WDSUB1: variants seen among roughly 807,000 people sequenced by gnomAD.
WDSUB1 encodes the protein WD repeat, SAM and U-box domain-containing protein 1.
A neutral mutation model predicts 53.9 loss-of-function variants in WDSUB1; 49 were observed. The ratio of observed to expected loss-of-function variants is 0.91; its 90% CI spans 0.72 to 1.15. The LOEUF is 1.15. WDSUB1 is among the 50% of genes most tolerant of loss of function. WDSUB1 has a pLI of 0.00. For missense variants in WDSUB1, 514 were observed against 562.0 expected (o/e 0.91, Z 0.86); for synonymous variants, 194 against 200.6 (o/e 0.97, Z 0.28).
intron 3 of WDSUB1, among the ~76,000 whole-genome samples, chr2:159,277,078 A>G (rs755927785): frequency 9.9e-5 from 15 of 152,202 alleles, no homozygotes; most frequent in Non-Finnish European, 2.1e-4. Context: ...AAATTTAACA[A>G]ACGTGTACAC....
intron 10 of WDSUB1, among the ~76,000 whole-genome samples, chr2:159,242,993 G>GTAGAAGAGAAATTAGAATTATAT (rs2060700723): frequency 6.8e-6 from 1 of 147,980 alleles, no homozygotes; most frequent in South Asian, 2.1e-4. Context: ...GAAAAGGAAA[G>GTAGAAGAGAAATTAGAATTATAT]TAGAAGAGAA....
intron 9 of WDSUB1, among the ~76,000 whole-genome samples, chr2:159,250,303 T>C (rs984175493): frequency 3.3e-5 from 5 of 152,096 alleles, no homozygotes; most frequent in African/African-American, 1.2e-4. Context: ...AAACTGAGGA[T>C]TTTTAAAACA....
Position 159,283,034 on chromosome 2 carries a change from A to T in WDSUB1, c.36T>A (p.Gly12=), listed in dbSNP as rs2061706638. Residue 12 remains glycine, a synonymous_variant, in exon 2 of 11, where the codon GGT becomes GGA. Coordinates refer to ENST00000359774, the MANE Select transcript of WDSUB1 (RefSeq NM_001128212.3). ...AGAAGGCACAGCAGTTGACATCGTCACCATGATCAGCTAATGTGTGAATCA... is the reference window on the plus strand; with the variant it reads ...AGAAGGCACAGCAGTTGACATCGTCTCCATGATCAGCTAATGTGTGAATCA... ...VKLIHTLADH[G]DDVNCCAFSF... The T allele has an allele frequency of 1.2e-6, 2 of 1,613,878 alleles. No individual in the cohort carries two copies. The highest frequency in any genetic ancestry group is 1.7e-6 in the Non-Finnish European group (2 of 1,179,770).
rs971950490 is a variant in WDSUB1 at position 159,276,948 on chromosome 2, T to C, written c.584-1310A>G. 2.6e-5 allele frequency among the ~76,000 whole-genome samples: 4 copies of C among 152,170 alleles called. 1 individual carries two copies. In the South Asian group the frequency reaches 8.3e-4, roughly 32 times the overall value. ...TGAGCCCAGGAGTTTGAGGCTGCAG[T>C]GAGCTATGATCACACCACTGCACTC... On this transcript the variant is annotated intron_variant, in intron 3 of 10. Transcript: ENST00000359774.
chr2:159,276,572 A>G (rs2061545905), intron 3 of WDSUB1, among the ~76,000 whole-genome samples: 1 of 152,236 alleles, frequency 6.6e-6, no homozygotes, highest in South Asian at 2.1e-4. Context: ...ACACTTACTT[A>G]ATTTTAGTGT....
chr2:159,276,068 T>C (rs961761149), intron 3 of WDSUB1, among the ~76,000 whole-genome samples: 1 of 152,036 alleles, frequency 6.6e-6, no homozygotes, highest in African/African-American at 2.4e-5. Flanking sequence ...TCTTCCTTTT[T>C]TTTTTTTTGA....
chr2:159,284,055 G>A (rs985579901), intron 1 of WDSUB1, among the ~76,000 whole-genome samples: 1 of 151,828 alleles, frequency 6.6e-6, no homozygotes, highest in Non-Finnish European at 1.5e-5. Context: ...CAAGTGATCC[G>A]CCCACCTCAG....
At chr2:159,267,427 A>G (rs2061367128) in intron 5 of WDSUB1, among the ~76,000 whole-genome samples, 1 of 151,944 alleles carries the variant, frequency 6.6e-6, no homozygotes, top group African/African-American at 2.4e-5. Context: ...CAGCCTCCCA[A>G]GTAGCTGAGA....
Position 159,257,942 on chromosome 2 carries a change from G to A in WDSUB1, c.845+3C>T. 7.4e-6 allele frequency: 12 copies of A among 1,613,438 alleles called. No homozygotes were observed. Among genetic ancestry groups the A allele is most frequent in the Non-Finnish European group, 1.0e-5 (12 of 1,179,598 alleles). ...TTAATACAAGGTGAGGTTAAGTTCA[G>A]ACCTGGTGTGCTGAGTCAATGTGTG... On this transcript the variant is annotated splice_donor_region_variant and intron_variant, in intron 7 of 10. Coordinates refer to ENST00000359774, the MANE Select transcript of WDSUB1 (RefSeq NM_001128212.3).
intron 5 of WDSUB1, among the ~76,000 whole-genome samples, chr2:159,268,910 A>G (rs2061395214): frequency 6.6e-6 from 1 of 152,050 alleles, no homozygotes; most frequent in African/African-American, 2.4e-5. Context: ...TAAGAATTCA[A>G]TGGACCAGTT....
Position 159,268,729 on chromosome 2 carries a change from T to C in WDSUB1, c.770+2973A>G, listed in dbSNP as rs2061391961. ...TATTCAAAAGGAAAAGAGTATAAAG[T>C]AATTGAATCATGAAACGATGTTCCA... On this transcript the variant is annotated intron_variant, in intron 5 of 10. Coordinates refer to ENST00000359774, the MANE Select transcript of WDSUB1 (RefSeq NM_001128212.3). Among the ~76,000 whole-genome samples the C allele has an allele frequency of 3.9e-5, 6 of 152,252 alleles. No individual in the cohort carries two copies. In the South Asian group the frequency reaches 1.2e-3, roughly 32 times the overall value.
chr2:159,277,862 G>A (rs1289620120), intron 3 of WDSUB1, among the ~76,000 whole-genome samples: 1 of 152,030 alleles, frequency 6.6e-6, no homozygotes, highest in African/African-American at 2.4e-5. Context: ...AGGAACTAAA[G>A]AAGGCACAAA....
At chr2:159,278,698 A>T (rs2061592745) in intron 3 of WDSUB1, among the ~76,000 whole-genome samples, 1 of 152,210 alleles carries the variant, frequency 6.6e-6, no homozygotes, top group South Asian at 2.1e-4. Context: ...CATTCCAGGA[A>T]TGAAAGAAAG....
intron 9 of WDSUB1, among the ~76,000 whole-genome samples, chr2:159,254,341 C>G (rs1358794669): frequency 2.0e-5 from 3 of 152,190 alleles, no homozygotes. Flanking sequence ...GGGAGGGTCA[C>G]TTAAGGTCAG....
intron 5 of WDSUB1, among the ~76,000 whole-genome samples, chr2:159,268,513 T>A (rs2151120922): frequency 6.6e-6 from 1 of 152,294 alleles, no homozygotes; most frequent in East Asian, 1.9e-4. Flanking sequence ...TTGGCAAGAA[T>A]TGGAGCATAT....
intron 2 of WDSUB1, among the ~76,000 whole-genome samples, 195 bp from the exon 3 acceptor site, chr2:159,280,140 G>A (rs186540513): frequency 6.6e-6 from 1 of 152,040 alleles, no homozygotes; most frequent in East Asian, 1.9e-4. Context: ...TAAAAGCAAG[G>A]GAGGATTTAA....
At chr2:159,283,404 GGAGCCCCAGCTACAAAAATTAGC>G in intron 1 of WDSUB1, among the ~76,000 whole-genome samples, 1 of 152,192 alleles carries the variant, frequency 6.6e-6, no homozygotes, top group African/African-American at 2.4e-5. Context: ...GTGGATGCCT[GGAGCCCCAGCTACAAAAATTAGC>G]TGGGTGTGGT....
chr2:159,261,846 T>C (rs1178435123), intron 5 of WDSUB1, among the ~76,000 whole-genome samples: 1 of 74,098 alleles, frequency 1.3e-5, no homozygotes, highest in Non-Finnish European at 2.5e-5. Context: ...CAACTGAAAC[T>C]CATATATATA....
In WDSUB1 at chr2:159,272,782, C is replaced by T. The variant is rs144446216; in HGVS notation, c.677-987G>A. ...ATGGTAATTTACACATCTTGTAATT[C>T]CAATATTATCTTTATAAAATATAAC... On this transcript the variant is annotated intron_variant, in intron 4 of 10. Coordinates refer to ENST00000359774, the MANE Select transcript of WDSUB1 (RefSeq NM_001128212.3). Among the ~76,000 whole-genome samples, 4 of 152,112 alleles carry T rather than the reference C, an allele frequency of 2.6e-5. No individual in the cohort carries two copies. In the East Asian group the frequency reaches 7.7e-4, roughly 29 times the overall value.
Sources: allele counts gnomAD v4.1 joint callset (sites outside exome capture counted in the v4.1 genomes callset), GRCh38; gene constraint gnomAD v4.1.1; transcripts MANE v1.5; gene names NCBI Gene and HGNC (gene_info 2026-07-23, HGNC 2026-07-21).